The following CCDC171 variants were observed in gnomAD, a reference collection of about 807,000 sequenced individuals.
CCDC171 encodes the protein coiled-coil domain containing 171, also known as coiled-coil domain-containing protein 171.
Under a neutral mutation model 168.2 loss-of-function variants are expected in CCDC171, and 177 were observed. The observed-to-expected ratio is 1.05, with a 90% CI of 0.93 to 1.19. The LOEUF is 1.19. Ranked by LOEUF, CCDC171 falls within the 50% of genes most tolerant of loss-of-function variation. The pLI is 0.00. For synonymous variants in CCDC171, 687 were observed against 540.8 expected (o/e 1.27, Z -3.75); for missense variants, 1,991 against 1,539.0 (o/e 1.29, Z -4.91).
At chr9:15,842,207 A>T (rs2060708558) in intron 21 of CCDC171, among the ~76,000 whole-genome samples, 1 of 152,012 alleles carries the variant, frequency 6.6e-6, no homozygotes, top group African/African-American at 2.4e-5. Context: ...ATGTAGATCC[A>T]TAGATATTTC....
chr9:15,794,478 C>T (rs1336654076), intron 21 of CCDC171, among the ~76,000 whole-genome samples: 1 of 151,242 alleles, frequency 6.6e-6, no homozygotes, highest in Admixed American at 6.6e-5. Context: ...CCCACCCCCC[C>T]ACCAAAAAAA....
intron 11 of CCDC171, among the ~76,000 whole-genome samples, chr9:15,712,001 C>T (rs190885984): frequency 6.6e-6 from 1 of 152,282 alleles, no homozygotes; most frequent in Admixed American, 6.5e-5. Flanking sequence ...TGGTTCTAGT[C>T]TGAGTTTGAA....
intron 18 of CCDC171, among the ~76,000 whole-genome samples, chr9:15,771,367 T>C (rs2057003768): frequency 6.6e-6 from 1 of 152,202 alleles, no homozygotes; most frequent in Non-Finnish European, 1.5e-5. Flanking sequence ...TGATAATCTC[T>C]TTGACCTTTA....
At chr9:15,814,268 T>TA (rs1287038381) in intron 21 of CCDC171, among the ~76,000 whole-genome samples, 1 of 152,222 alleles carries the variant, frequency 6.6e-6, no homozygotes, top group Non-Finnish European at 1.5e-5. Flanking sequence ...TTCTCCCAGT[T>TA]AGTCTACAAA....
Position 15,640,965 on chromosome 9 carries a change from A to G in CCDC171, c.823-16162A>G, listed in dbSNP as rs1466876256. On this transcript the variant is annotated intron_variant, in intron 7 of 25. Transcript: ENST00000380701. The stretch of plus-strand genomic sequence containing the variant: ...GAATAAGTGTTATATTTAAATATTA[A>G]CATGCATATAATAAAATATTAACAG... 2.6e-5 allele frequency among the ~76,000 whole-genome samples: 4 copies of G among 152,154 alleles called. No individual in the cohort carries two copies. The East Asian group carries it at 7.7e-4, about 29-fold the overall frequency.
At chr9:15,660,157 A>G (rs1370040112) in intron 8 of CCDC171, among the ~76,000 whole-genome samples, 1 of 152,214 alleles carries the variant, frequency 6.6e-6, no homozygotes, top group Admixed American at 6.5e-5. Context: ...ACTTTAATGA[A>G]ATGTTCTTTT....
chr9:15,847,737 A>G (rs2130765102), intron 22 of CCDC171, among the ~76,000 whole-genome samples: 1 of 152,244 alleles, frequency 6.6e-6, no homozygotes, highest in Admixed American at 6.6e-5. Context: ...AGATATGAAT[A>G]TAGTCTGTAA....
chr9:15,692,709 A>G (rs1459923329), intron 10 of CCDC171, among the ~76,000 whole-genome samples: 1 of 151,596 alleles, frequency 6.6e-6, no homozygotes, highest in African/African-American at 2.4e-5. Flanking sequence ...TTGTATATTT[A>G]GTAGAGACGG....
chr9:15,912,086 G>A (rs1823744273), intron 24 of CCDC171, among the ~76,000 whole-genome samples: 1 of 152,122 alleles, frequency 6.6e-6, no homozygotes, highest in Non-Finnish European at 1.5e-5. Context: ...CTCTGTGAAG[G>A]AAGCCAATGG....
chr9:15,822,196 C>T (rs199811053), intron 21 of CCDC171, among the ~76,000 whole-genome samples: 2 of 151,970 alleles, frequency 1.3e-5, no homozygotes, highest in Non-Finnish European at 2.9e-5. Flanking sequence ...GATGGATTAA[C>T]GACTTAAATG....
chr9:15,810,521 C>T (rs934401222), intron 21 of CCDC171, among the ~76,000 whole-genome samples: 6 of 152,092 alleles, frequency 3.9e-5, no homozygotes, highest in Admixed American at 2.6e-4. Flanking sequence ...TCGGGCATGG[C>T]GGGCTGCAGG....
intron 6 of CCDC171, among the ~76,000 whole-genome samples, chr9:15,596,786 G>A (rs1313481469): frequency 1.3e-5 from 2 of 152,016 alleles, no homozygotes; most frequent in African/African-American, 4.8e-5. Context: ...AGCATGGAAT[G>A]TTCTTCCATT....
intron 6 of CCDC171, among the ~76,000 whole-genome samples, chr9:15,602,396 C>G (rs899567996): frequency 1.1e-4 from 17 of 148,910 alleles, no homozygotes; most frequent in African/African-American, 3.9e-4. Context: ...ATTTTTAAAC[C>G]TTCTCAGTGA....
At position 15,954,151 on chromosome 9, in the gene CCDC171, C is replaced by CTTTT. The variant is rs34362388; in HGVS notation, c.3754-17448_3754-17445dup. 1.2e-3 allele frequency among the ~76,000 whole-genome samples: 171 copies of CTTTT among 140,758 alleles called. 1 individual carries two copies. The highest frequency in any genetic ancestry group is 4.1e-3 in the African/African-American group (160 of 38,566). The allele number at this position is 140,758 out of a possible 152,430, so 92.3% of individuals were successfully genotyped here. A position where few individuals can be genotyped will look rare whatever the true frequency, so the allele number is the denominator to read the frequency against. ...TTCATTGATTTCCTCTACTTACTTT[C>CTTTT]TTTTTTTTTTTTTAGTCTTTATTTT... On this transcript the variant is annotated intron_variant, in intron 25 of 25. Coordinates refer to ENST00000380701, the MANE Select transcript of CCDC171 (RefSeq NM_173550.4).
chr9:15,618,437 G>C (rs1245304362), intron 6 of CCDC171, among the ~76,000 whole-genome samples: 1 of 152,246 alleles, frequency 6.6e-6, no homozygotes, highest in African/African-American at 2.4e-5. Context: ...CAAGCCAGTG[G>C]TTCTTAGCTT....
intron 9 of CCDC171, among the ~76,000 whole-genome samples, chr9:15,672,220 GTT>G (rs1175038103): frequency 2.0e-5 from 3 of 151,992 alleles, no homozygotes; most frequent in Non-Finnish European, 4.4e-5. Flanking sequence ...TTGTAAATTT[GTT>G]TAAGTTCTTT....
chr9:15,632,069 A>G (rs985716358), intron 7 of CCDC171, among the ~76,000 whole-genome samples: 1 of 152,102 alleles, frequency 6.6e-6, no homozygotes, highest in African/African-American at 2.4e-5. Flanking sequence ...ATATCATACT[A>G]AATGGGCAAA....
chr9:15,669,735 G>T (rs1295752284), intron 9 of CCDC171, among the ~76,000 whole-genome samples: 1 of 152,046 alleles, frequency 6.6e-6, no homozygotes, highest in Non-Finnish European at 1.5e-5. Flanking sequence ...AACATCATTA[G>T]TCAAATATAT....
intron 24 of CCDC171, among the ~76,000 whole-genome samples, chr9:15,877,429 C>G (rs886307100): frequency 6.6e-6 from 1 of 151,332 alleles, no homozygotes; most frequent in African/African-American, 2.4e-5. Context: ...TATTTAAGAT[C>G]TTTTTTTTTC....
Sources: gnomAD v4.1 joint callset for allele counts (sites outside exome capture counted in the v4.1 genomes callset) on GRCh38, gnomAD v4.1.1 for gene constraint, MANE v1.5 for transcripts, NCBI Gene and HGNC (gene_info 2026-07-23, HGNC 2026-07-21) for gene names.